FIRRM: variants seen among roughly 807,000 people sequenced by gnomAD.
FIRRM encodes the protein FIGNL1-interacting regulator of recombination and mitosis.
the FIRRM span, among the ~76,000 whole-genome samples, chr1:169,817,080 GA>G: frequency 1.3e-5 from 2 of 150,914 alleles, no homozygotes; most frequent in Non-Finnish European, 3.0e-5. Context: ...TCTTGACTCT[GA>G]AAAATAAAAC....
the FIRRM span, chr1:169,850,307 G>A: frequency 2.5e-6 from 4 of 1,612,392 alleles, no homozygotes; most frequent in South Asian, 3.3e-5. Flanking sequence ...TCTCAGTTCT[G>A]AAGAAACTAA....
chr1:169,823,303 G>A, the FIRRM span: 1 of 580,550 alleles, frequency 1.7e-6, no homozygotes, highest in Non-Finnish European at 3.0e-6. Context: ...TTTTTAAAAG[G>A]GGTCACATTC....
At chr1:169,834,754 C>G in the FIRRM span, among the ~76,000 whole-genome samples, 1 of 152,080 alleles carries the variant, frequency 6.6e-6, no homozygotes. Flanking sequence ...AGCCGGACAA[C>G]ATAGCAAGAC....
the FIRRM span, among the ~76,000 whole-genome samples, chr1:169,844,739 G>GA: frequency 1.3e-5 from 2 of 151,946 alleles, no homozygotes; most frequent in African/African-American, 2.4e-5. Flanking sequence ...AATATTTTTA[G>GA]AAAAAATACA....
the FIRRM span, among the ~76,000 whole-genome samples, chr1:169,790,988 A>G: frequency 6.6e-6 from 1 of 152,210 alleles, no homozygotes; most frequent in African/African-American, 2.4e-5. Context: ...TTAGATTCTC[A>G]CAAGGAGTGC....
chr1:169,823,473 G>A, the FIRRM span: 5 of 1,591,642 alleles, frequency 3.1e-6, no homozygotes, highest in Non-Finnish European at 3.4e-6. Flanking sequence ...AGATACACAG[G>A]TAAGAAGAAT....
chr1:169,816,733 G>T, the FIRRM span, among the ~76,000 whole-genome samples: 2 of 152,150 alleles, frequency 1.3e-5, no homozygotes, highest in East Asian at 1.9e-4. Context: ...AAGGAACCCT[G>T]TACAGGGACT....
At chr1:169,853,399 T>TC in the FIRRM span, 1 of 360,176 alleles carries the variant, frequency 2.8e-6, no homozygotes, top group Non-Finnish European at 5.0e-6. Context: ...TTTCTTTACT[T>TC]CCAGAATTGT....
the FIRRM span, among the ~76,000 whole-genome samples, chr1:169,847,023 T>C: frequency 5.9e-5 from 9 of 152,220 alleles, no homozygotes; most frequent in Admixed American, 1.3e-4. Flanking sequence ...TCTCAGGGAA[T>C]AGGGAAGCCC....
chr1:169,793,760 TACACACAA>T, the FIRRM span: 1 of 1,438,620 alleles, frequency 7.0e-7, no homozygotes, highest in South Asian at 1.4e-5. Flanking sequence ...AATTTGATGA[TACACACAA>T]ATCTGCCTCA....
chr1:169,825,846 T>C, the FIRRM span, among the ~76,000 whole-genome samples: 1 of 152,214 alleles, frequency 6.6e-6, no homozygotes, highest in Admixed American at 6.5e-5. Context: ...TTTTCTCATG[T>C]ATTGTCAAGT....
the FIRRM span, among the ~76,000 whole-genome samples, chr1:169,815,153 G>T: frequency 6.6e-6 from 1 of 151,806 alleles, no homozygotes; most frequent in Non-Finnish European, 1.5e-5. Context: ...AAAATTAGCT[G>T]GGCACAGTGG....
At chr1:169,800,259 G>A in the FIRRM span, among the ~76,000 whole-genome samples, 497 of 151,798 alleles carry the variant, frequency 3.3e-3, 6 homozygotes, top group African/African-American at 0.011. Context: ...TTTCCCAGGT[G>A]GTCTTTAACT....
chr1:169,795,919 G>T, the FIRRM span: 2 of 985,328 alleles, frequency 2.0e-6, no homozygotes, highest in Non-Finnish European at 2.4e-6. Flanking sequence ...TCCGGGTGCA[G>T]CACATTCTTG....
the FIRRM span, among the ~76,000 whole-genome samples, chr1:169,821,409 G>A: frequency 6.6e-6 from 1 of 152,098 alleles, no homozygotes; most frequent in Non-Finnish European, 1.5e-5. Context: ...GATCAACTGA[G>A]AAGGATCACC....
chr1:169,788,665 T>G, the FIRRM span, among the ~76,000 whole-genome samples: 3 of 152,176 alleles, frequency 2.0e-5, no homozygotes, highest in African/African-American at 7.2e-5. Flanking sequence ...CATCCACTTT[T>G]TCCATCCCAT....
the FIRRM span, among the ~76,000 whole-genome samples, chr1:169,824,089 A>C: frequency 6.6e-6 from 1 of 152,226 alleles, no homozygotes; most frequent in South Asian, 2.1e-4. Context: ...TCCTTCCTCA[A>C]ACTTCCTGTA....
the FIRRM span, among the ~76,000 whole-genome samples, chr1:169,823,031 G>A: frequency 1.3e-5 from 2 of 151,220 alleles, no homozygotes; most frequent in African/African-American, 4.9e-5. Context: ...GCAGGTGGAT[G>A]ACCTGAGGTC....
chr1:169,853,760 C>T, the FIRRM span: 6 of 1,613,804 alleles, frequency 3.7e-6, no homozygotes, highest in Non-Finnish European at 5.1e-6. Context: ...TCTTCCCAGC[C>T]TTCAGCCTCT....
Sources: allele counts gnomAD v4.1 joint callset (sites outside exome capture counted in the v4.1 genomes callset), GRCh38; gene constraint gnomAD v4.1.1; transcripts MANE v1.5; gene names NCBI Gene and HGNC (gene_info 2026-07-23, HGNC 2026-07-21).